Variants in ZC3H12B observed in about 807,000 individuals in gnomAD.
ZC3H12B encodes probable ribonuclease ZC3H12B.
In ZC3H12B, 7 loss-of-function variants were observed where a neutral mutation model predicts 43.9. The observed-to-expected ratio is 0.16, with a 90% CI of 0.09 to 0.30. The LOEUF (loss-of-function observed/expected upper bound fraction) is 0.30, where lower values mean the gene tolerates loss of function less well. Among genes scored for constraint, ZC3H12B ranks in the 10% least tolerant of loss-of-function variants. The pLI is 1.00. For synonymous variants in ZC3H12B, 222 were observed against 241.7 expected (o/e 0.92, Z 0.76); for missense variants, 475 against 670.2 (o/e 0.71, Z 3.22).
At chrX:65,148,203 G>C in the ZC3H12B span, among the ~76,000 whole-genome samples, 2 of 111,007 alleles carry the variant, frequency 1.8e-5, no homozygotes, top group Non-Finnish European at 3.8e-5. Context: ...TGCTAAGGTG[G>C]GCCTGAAGTG....
At chrX:65,407,984 C>T in intron 3 of ZC3H12B, 1 of 1,018,767 alleles carries the variant, frequency 9.8e-7, no homozygotes. Flanking sequence ...CCCGCTTCTG[C>T]CTGGCTTTCC....
the ZC3H12B span, among the ~76,000 whole-genome samples, chrX:65,203,212 G>T: frequency 1.8e-5 from 2 of 112,259 alleles, no homozygotes; most frequent in Admixed American, 9.4e-5. Context: ...GACTCCAGGA[G>T]CTGCTTACAG....
At chrX:65,429,378 G>A (rs916395935) in intron 3 of ZC3H12B, among the ~76,000 whole-genome samples, 2 of 112,714 alleles carry the variant, frequency 1.8e-5, no homozygotes, top group South Asian at 3.7e-4. Context: ...AGCCAAGGTG[G>A]CAGCCTGCCC....
chrX:65,294,297 C>G, the ZC3H12B span, among the ~76,000 whole-genome samples: 1 of 111,612 alleles, frequency 9.0e-6, no homozygotes, highest in Non-Finnish European at 1.9e-5. Context: ...TTTCAGAAAA[C>G]AAATGCTGAA....
At chrX:65,287,989 CATAT>C in the ZC3H12B span, among the ~76,000 whole-genome samples, 5 of 90,397 alleles carry the variant, frequency 5.5e-5, no homozygotes, top group Admixed American at 1.1e-4. Context: ...ATTTTATATA[CATAT>C]ATATATATAT....
At chrX:65,214,266 T>C in the ZC3H12B span, among the ~76,000 whole-genome samples, 1 of 111,419 alleles carries the variant, frequency 9.0e-6, no homozygotes, top group Non-Finnish European at 1.9e-5. Flanking sequence ...GCCACATCAA[T>C]GGACTTTTCT....
the ZC3H12B span, among the ~76,000 whole-genome samples, chrX:65,224,993 T>A: frequency 9.0e-6 from 1 of 111,656 alleles, no homozygotes. Context: ...GACTTAAATG[T>A]CCCTGTCTGA....
the ZC3H12B span, among the ~76,000 whole-genome samples, chrX:65,269,443 A>T: frequency 9.0e-6 from 1 of 111,345 alleles, no homozygotes; most frequent in East Asian, 2.8e-4. Flanking sequence ...ATAAATCAAG[A>T]GTGCAATCCT....
chrX:65,142,931 G>A, the ZC3H12B span, among the ~76,000 whole-genome samples: 2 of 112,016 alleles, frequency 1.8e-5, no homozygotes, highest in Non-Finnish European at 3.8e-5. Flanking sequence ...ATCAGGTAAT[G>A]TGGTGCCTCC....
intron 3 of ZC3H12B, among the ~76,000 whole-genome samples, chrX:65,405,306 A>T (rs763195430): frequency 8.9e-6 from 1 of 112,543 alleles, no homozygotes; most frequent in East Asian, 2.8e-4. Context: ...AAGCAAACCA[A>T]ACCTAAAATT....
At chrX:65,228,673 A>T in the ZC3H12B span, among the ~76,000 whole-genome samples, 1 of 112,336 alleles carries the variant, frequency 8.9e-6, no homozygotes. Context: ...GCTGATAACA[A>T]CTTCAGCAAA....
chrX:65,214,548 G>A, the ZC3H12B span, among the ~76,000 whole-genome samples: 1 of 111,658 alleles, frequency 9.0e-6, no homozygotes, highest in East Asian at 2.8e-4. Flanking sequence ...CCATGAGACT[G>A]CAGCAATTCA....
the ZC3H12B span, among the ~76,000 whole-genome samples, chrX:65,156,305 A>G: frequency 9.0e-6 from 1 of 111,219 alleles, no homozygotes; most frequent in Non-Finnish European, 1.9e-5. Flanking sequence ...GGCTAAACTG[A>G]TCCTCCCATC....
At chrX:65,345,283 C>T in the ZC3H12B span, among the ~76,000 whole-genome samples, 7 of 112,017 alleles carry the variant, frequency 6.2e-5, no homozygotes, top group Non-Finnish European at 9.4e-5. Context: ...ATAACAAAGA[C>T]GTGGACTCAA....
chrX:65,359,393 AAG>A, the ZC3H12B span, among the ~76,000 whole-genome samples: 1 of 112,004 alleles, frequency 8.9e-6, no homozygotes, highest in East Asian at 2.8e-4. Context: ...ACCTGGGAAA[AAG>A]TAAATTAAAA....
At chrX:65,378,712 G>C (rs2066386060) in intron 2 of ZC3H12B, among the ~76,000 whole-genome samples, 1 of 112,359 alleles carries the variant, frequency 8.9e-6, no homozygotes, top group Non-Finnish European at 1.9e-5. Context: ...CATCTCACTA[G>C]GGAGTGCCAG....
the ZC3H12B span, among the ~76,000 whole-genome samples, chrX:65,056,721 G>A: frequency 9.0e-6 from 1 of 110,919 alleles, no homozygotes; most frequent in Non-Finnish European, 1.9e-5. Flanking sequence ...TTGTGTGGGA[G>A]TCTAAATCTC....
chrX:65,432,813 T>A (rs1353655630), intron 3 of ZC3H12B, among the ~76,000 whole-genome samples: 1 of 112,028 alleles, frequency 8.9e-6, no homozygotes, highest in Non-Finnish European at 1.9e-5. Flanking sequence ...TACCACCCTC[T>A]GCATGCAAAT....
At chrX:65,384,140 C>T (rs1220384871) in intron 2 of ZC3H12B, among the ~76,000 whole-genome samples, 1 of 101,649 alleles carries the variant, frequency 9.8e-6, no homozygotes, top group Non-Finnish European at 2.0e-5. Flanking sequence ...CAATGATAGA[C>T]TGGATTAAGA....
Sources: gnomAD v4.1 joint callset for allele counts (sites outside exome capture counted in the v4.1 genomes callset) on GRCh38, gnomAD v4.1.1 for gene constraint, MANE v1.5 for transcripts, NCBI Gene and HGNC (gene_info 2026-07-23, HGNC 2026-07-21) for gene names.